Variants in COX10 observed in about 807,000 individuals in gnomAD.
COX10 encodes cytochrome c oxidase assembly factor heme A:farnesyltransferase COX10, also known as protoheme IX farnesyltransferase, mitochondrial.
A neutral mutation model predicts 37.3 loss-of-function variants in COX10; 27 were observed. The observed-to-expected ratio is 0.72, with a 90% CI of 0.53 to 1.00. COX10 has a LOEUF of 1.00. COX10 is among the 50% of genes least tolerant of loss of function. The probability of loss-of-function intolerance (pLI) is 0.00; values close to 1 mark genes in which losing one functional copy is unlikely to be tolerated. For missense variants in COX10, 475 were observed against 563.2 expected, an observed-to-expected ratio of 0.84 and a Z score of 1.59; for synonymous variants, 222 against 229.1, an observed-to-expected ratio of 0.97 and a Z score of 0.28.
intron 5 of COX10, among the ~76,000 whole-genome samples, chr17:14,166,081 G>A (rs1005074213): frequency 3.9e-5 from 6 of 152,224 alleles, no homozygotes; most frequent in Admixed American, 1.3e-4. Context: ...AGTGCTAATG[G>A]AGAAGCTGCT....
chr17:14,125,052 G>T (rs1916305768), intron 4 of COX10, among the ~76,000 whole-genome samples: 1 of 152,174 alleles, frequency 6.6e-6, no homozygotes, highest in Admixed American at 6.5e-5. Context: ...TGCTGGTTGG[G>T]TTCCTCCCCT....
chr17:14,112,034 T>A (rs550571499), intron 4 of COX10, among the ~76,000 whole-genome samples: 1 of 152,288 alleles, frequency 6.6e-6, no homozygotes, highest in East Asian at 1.9e-4. Flanking sequence ...TCACTTACTC[T>A]GATTGAGCGC....
chr17:14,173,944 C>T lies in COX10; in HGVS notation c.695+13997C>T, dbSNP rs117704543. 8.7e-3 allele frequency among the ~76,000 whole-genome samples: 1,322 copies of T among 152,052 alleles called. 56 individuals are homozygous for T. In the East Asian group the frequency reaches 0.095, roughly 11 times the overall value. The stretch of plus-strand genomic sequence containing the variant: ...TGCTCCCCAGTGAAACTGGGCTCGG[C>T]GGAGGACTCTTCGATAAAACACAAA... On this transcript the variant is annotated intron_variant, in intron 5 of 6. Transcript: ENST00000261643.
chr17:14,140,212 T>C (rs1012031871), intron 4 of COX10, among the ~76,000 whole-genome samples: 1 of 152,180 alleles, frequency 6.6e-6, no homozygotes, highest in Non-Finnish European at 1.5e-5. Flanking sequence ...TGTTTATGAT[T>C]CATCTCCTTT....
intron 3 of COX10, 90 bp downstream of exon 3, chr17:14,077,146 A>G: frequency 8.0e-7 from 1 of 1,256,850 alleles, no homozygotes; most frequent in Non-Finnish European, 1.1e-6. Flanking sequence ...GAAAAGAATA[A>G]TTTGGAACTG....
chr17:14,102,375 A>C (rs1347421541), intron 4 of COX10, 133 bp downstream of exon 4: 1 of 1,356,266 alleles, frequency 7.4e-7, no homozygotes, highest in African/African-American at 1.4e-5. Context: ...ATCCTATAGG[A>C]GCCTGTGGGT....
intron 2 of COX10, among the ~76,000 whole-genome samples, chr17:14,075,535 G>T (rs1165351017): frequency 6.6e-6 from 1 of 152,084 alleles, no homozygotes; most frequent in East Asian, 1.9e-4. Flanking sequence ...TACTAATAAT[G>T]ATCTATCTTC....
intron 5 of COX10, among the ~76,000 whole-genome samples, chr17:14,163,408 C>A (rs545518976): frequency 2.0e-5 from 3 of 152,050 alleles, no homozygotes; most frequent in Admixed American, 6.6e-5. Flanking sequence ...GCACGTGCCA[C>A]CACACCTGGC....
At chr17:14,107,884 T>A (rs540099004) in intron 4 of COX10, among the ~76,000 whole-genome samples, 3 of 152,164 alleles carry the variant, frequency 2.0e-5, no homozygotes, top group Non-Finnish European at 4.4e-5. Flanking sequence ...AGTAGAATGC[T>A]CTTCCTCATC....
At position 14,206,899 on chromosome 17, in the gene COX10, G is replaced by A. The variant is rs1435491605; in HGVS notation, c.1018G>A (p.Gly340Ser). ...GGGCCTCCGTGAAGACTACTCCCGG[G>A]GCGGCTACTGCATGATGTCGGTCAC... ...SWGLREDYSR[G>S]GYCMMSVTHP... The change falls in exon 7 of 7, where the codon GGC (glycine) becomes AGC (serine). Residue 340 changes from glycine to serine, a missense_variant. This residue lies in a region of COX10 where 160 missense variants were observed against 180.6 expected (regional missense o/e 0.89). Coordinates refer to ENST00000261643, the MANE Select transcript of COX10 (RefSeq NM_001303.4). 1.2e-6 allele frequency: 2 copies of A among 1,613,954 alleles called. No homozygotes were observed. The highest frequency in any genetic ancestry group is 4.5e-5 in the East Asian group (2 of 44,854).
chr17:14,083,031 G>T (rs1915331214), intron 3 of COX10, among the ~76,000 whole-genome samples: 1 of 152,208 alleles, frequency 6.6e-6, no homozygotes, highest in South Asian at 2.1e-4. Context: ...ACTACCACTG[G>T]CAGCAGGAAA....
chr17:14,205,648 A>C (rs1423968718), intron 6 of COX10, among the ~76,000 whole-genome samples: 2 of 152,048 alleles, frequency 1.3e-5, no homozygotes, highest in Non-Finnish European at 2.9e-5. Context: ...TCCAGCCCCC[A>C]CCCTACTGCC....
intron 4 of COX10, among the ~76,000 whole-genome samples, chr17:14,153,088 T>C (rs1904950776): frequency 6.6e-6 from 1 of 152,238 alleles, no homozygotes; most frequent in African/African-American, 2.4e-5. Flanking sequence ...AAGGGGATTC[T>C]GGGCAATGTA....
intron 3 of COX10, among the ~76,000 whole-genome samples, chr17:14,088,438 A>G (rs1215381306): frequency 6.8e-6 from 1 of 146,866 alleles, no homozygotes; most frequent in East Asian, 2.0e-4. Context: ...TCCAATTTAG[A>G]CAGAAAAAAA....
At chr17:14,139,636 G>A (rs917893285) in intron 4 of COX10, among the ~76,000 whole-genome samples, 3 of 152,096 alleles carry the variant, frequency 2.0e-5, no homozygotes, top group African/African-American at 4.8e-5. Context: ...TAGTGATTGC[G>A]AGCTTAGGTG....
chr17:14,121,805 T>G (rs901993373), intron 4 of COX10, among the ~76,000 whole-genome samples: 2 of 152,160 alleles, frequency 1.3e-5, no homozygotes, highest in African/African-American at 4.8e-5. Flanking sequence ...AGTGAATGCT[T>G]GCAAAGGCAG....
At chr17:14,082,217 G>T (rs191929409) in intron 3 of COX10, among the ~76,000 whole-genome samples, 30 of 152,254 alleles carry the variant, frequency 2.0e-4, no homozygotes, top group Non-Finnish European at 3.4e-4. Context: ...GGAAATAAAT[G>T]GTCAGAGGGA....
intron 4 of COX10, among the ~76,000 whole-genome samples, chr17:14,124,201 A>G (rs905315274): frequency 7.9e-5 from 12 of 151,950 alleles, no homozygotes; most frequent in African/African-American, 2.4e-4. Flanking sequence ...AGACTTGACA[A>G]CTCTTTTTTA....
At chr17:14,139,091 G>T (rs2142224457) in intron 4 of COX10, among the ~76,000 whole-genome samples, 1 of 152,286 alleles carries the variant, frequency 6.6e-6, no homozygotes, top group African/African-American at 2.4e-5. Flanking sequence ...ATACACAAAA[G>T]AACTTAGCCC....
Sources: gnomAD v4.1 joint callset for allele counts (sites outside exome capture counted in the v4.1 genomes callset) on GRCh38, gnomAD v4.1.1 for gene constraint, gnomAD v4.1.1 regional missense constraint, MANE v1.5 for transcripts, NCBI Gene and HGNC (gene_info 2026-07-23, HGNC 2026-07-21) for gene names.